The following STXBP5L variants were observed in gnomAD, a reference collection of about 807,000 sequenced individuals.
The protein encoded by STXBP5L is syntaxin-binding protein 5-like.
A neutral mutation model predicts 144.5 loss-of-function variants in STXBP5L; 65 were observed. That is an observed-to-expected ratio of 0.45 (90% confidence interval 0.37 to 0.55). The LOEUF is 0.55. Among genes scored for constraint, STXBP5L ranks in the 20% least tolerant of loss-of-function variants. The probability of loss-of-function intolerance (pLI) is 0.00; values close to 1 mark genes in which losing one functional copy is unlikely to be tolerated. For missense variants in STXBP5L, 1,298 were observed against 1,405.5 expected (o/e 0.92, Z 1.22); for synonymous variants, 505 against 469.6 (o/e 1.08, Z -0.97).
At chr3:121,296,803 A>G (rs1409053694) in intron 19 of STXBP5L, among the ~76,000 whole-genome samples, 1 of 152,206 alleles carries the variant, frequency 6.6e-6, no homozygotes, top group African/African-American at 2.4e-5. Flanking sequence ...CCCTAAATAG[A>G]AAAATAAATC....
At chr3:121,005,028 T>C (rs1170075956) in intron 3 of STXBP5L, among the ~76,000 whole-genome samples, 2 of 152,160 alleles carry the variant, frequency 1.3e-5, no homozygotes, top group Non-Finnish European at 2.9e-5. Flanking sequence ...TGGTTGTGTC[T>C]CTGCCAGGCT....
At chr3:121,288,067 G>C (rs574081512) in intron 19 of STXBP5L, among the ~76,000 whole-genome samples, 1 of 152,318 alleles carries the variant, frequency 6.6e-6, no homozygotes, top group South Asian at 2.1e-4. Context: ...AAAGGATTTA[G>C]AGTAGCCAAA....
intron 9 of STXBP5L, among the ~76,000 whole-genome samples, chr3:121,179,862 G>T (rs765316385): frequency 1.3e-5 from 2 of 151,964 alleles, no homozygotes; most frequent in Admixed American, 6.6e-5. Flanking sequence ...CAAGGCTTTC[G>T]AATTAACCCA....
chr3:121,161,760 C>T (rs1486351356), intron 9 of STXBP5L, among the ~76,000 whole-genome samples: 1 of 152,076 alleles, frequency 6.6e-6, no homozygotes, highest in Non-Finnish European at 1.5e-5. Context: ...ATCATACACA[C>T]ATACATATAC....
At chr3:121,288,018 G>A (rs1009386998) in intron 19 of STXBP5L, among the ~76,000 whole-genome samples, 1 of 152,140 alleles carries the variant, frequency 6.6e-6, no homozygotes, top group Non-Finnish European at 1.5e-5. Flanking sequence ...TGTTCTTGTA[G>A]GAACTGACAA....
chr3:121,273,439 T>C (rs1411390284), intron 18 of STXBP5L, among the ~76,000 whole-genome samples: 2 of 152,164 alleles, frequency 1.3e-5, no homozygotes, highest in Admixed American at 1.3e-4. Context: ...GCTTTCAATT[T>C]TTTTTAATGT....
At chr3:121,148,554 GA>G (rs748046424) in intron 7 of STXBP5L, among the ~76,000 whole-genome samples, 3 of 151,966 alleles carry the variant, frequency 2.0e-5, no homozygotes, top group Non-Finnish European at 4.4e-5. Context: ...TTTTCCTCCT[GA>G]AATGATAAAT....
chr3:120,988,738 G>C (rs1003939835), intron 3 of STXBP5L, among the ~76,000 whole-genome samples: 6 of 152,026 alleles, frequency 3.9e-5, no homozygotes, highest in Admixed American at 3.9e-4. Flanking sequence ...GTAGTGGTTT[G>C]CCTAGGCTTT....
intron 3 of STXBP5L, among the ~76,000 whole-genome samples, chr3:120,991,961 TAAAA>T (rs924732067): frequency 2.0e-5 from 3 of 152,050 alleles, no homozygotes; most frequent in African/African-American, 4.8e-5. Context: ...TAAAGTATAA[TAAAA>T]AAAATCCATA....
intron 9 of STXBP5L, among the ~76,000 whole-genome samples, chr3:121,167,052 A>G (rs2046528009): frequency 6.6e-6 from 1 of 152,202 alleles, no homozygotes; most frequent in Admixed American, 6.5e-5. Flanking sequence ...TGAGGATACC[A>G]TTTCTGAAAT....
intron 10 of STXBP5L, among the ~76,000 whole-genome samples, chr3:121,213,661 G>T (rs2048666362): frequency 8.1e-6 from 1 of 123,836 alleles, no homozygotes; most frequent in Non-Finnish European, 1.8e-5. Context: ...AGGGATATTG[G>T]CCTGAAATTT....
chr3:121,375,605 G>A (rs1050141692), intron 20 of STXBP5L, among the ~76,000 whole-genome samples: 5 of 152,172 alleles, frequency 3.3e-5, no homozygotes, highest in Admixed American at 2.0e-4. Context: ...GTTAAATGAG[G>A]TAATGTGTAC....
At chr3:121,042,019 TTTAA>T (rs1163754406) in intron 4 of STXBP5L, among the ~76,000 whole-genome samples, 2 of 152,158 alleles carry the variant, frequency 1.3e-5, no homozygotes, top group Non-Finnish European at 2.9e-5. Flanking sequence ...CATAATTTAG[TTTAA>T]TTATTTAAAT....
chr3:121,351,053 A>G (rs886396013), intron 20 of STXBP5L, among the ~76,000 whole-genome samples: 1 of 143,664 alleles, frequency 7.0e-6, no homozygotes, highest in African/African-American at 2.6e-5. Flanking sequence ...TAGAATTTCC[A>G]GTTTTTCTGC....
chr3:121,131,704 T>A (rs142732747), intron 7 of STXBP5L, among the ~76,000 whole-genome samples: 11 of 152,282 alleles, frequency 7.2e-5, no homozygotes, highest in Non-Finnish European at 7.4e-5. Context: ...CTAATAAAAG[T>A]TGCATAAAAA....
intron 3 of STXBP5L, among the ~76,000 whole-genome samples, chr3:120,970,725 TA>T (rs1044239775): frequency 7.2e-5 from 11 of 152,294 alleles, no homozygotes; most frequent in African/African-American, 2.4e-4. Flanking sequence ...TTGGAATTTT[TA>T]AACCATTATT....
chr3:121,343,922 A>G (rs2044838252), intron 20 of STXBP5L, among the ~76,000 whole-genome samples: 1 of 152,118 alleles, frequency 6.6e-6, no homozygotes, highest in Non-Finnish European at 1.5e-5. Flanking sequence ...TGGAACCAAA[A>G]AAGAGCCTGC....
chr3:121,049,940 C>A (rs1430642770), intron 5 of STXBP5L, among the ~76,000 whole-genome samples: 2 of 152,108 alleles, frequency 1.3e-5, no homozygotes, highest in African/African-American at 4.8e-5. Context: ...ATCTCCTGAT[C>A]CTGAGTCCAA....
At chr3:121,066,609 GTTTGCTAATAT>G (rs2041562958) in intron 5 of STXBP5L, among the ~76,000 whole-genome samples, 3 of 151,932 alleles carry the variant, frequency 2.0e-5, no homozygotes, top group Admixed American at 2.0e-4. Context: ...TATATGCTGG[GTTTGCTAATAT>G]TTTGCTAATA....
Sources: allele counts gnomAD v4.1 joint callset (sites outside exome capture counted in the v4.1 genomes callset), GRCh38; gene constraint gnomAD v4.1.1; transcripts MANE v1.5; gene names NCBI Gene and HGNC (gene_info 2026-07-23, HGNC 2026-07-21).